Variants in ELP1 observed in about 807,000 individuals in gnomAD.
ELP1 encodes elongator acetyltransferase complex subunit 1.
In ELP1, 131 loss-of-function variants were observed where a neutral mutation model predicts 183.2. The observed-to-expected ratio is 0.72, with a 90% CI of 0.62 to 0.83. The LOEUF is 0.83. Among genes scored for constraint, ELP1 ranks in the 40% least tolerant of loss-of-function variants. ELP1 has a pLI of 0.00. For missense variants in ELP1, 1,550 were observed against 1,594.9 expected (o/e 0.97, Z 0.48); for synonymous variants, 555 against 569.0 (o/e 0.98, Z 0.35).
At chr9:108,929,745 C>A in intron 3 of ELP1, 24 bp downstream of exon 3, 1 of 1,612,212 alleles carries the variant, frequency 6.2e-7, no homozygotes, top group Non-Finnish European at 8.5e-7. Context: ...TGAGACTCCC[C>A]CCTCACTGGA....
intron 29 of ELP1, among the ~76,000 whole-genome samples, chr9:108,886,530 T>C (rs1366090500): frequency 6.6e-6 from 1 of 151,988 alleles, no homozygotes; most frequent in Non-Finnish European, 1.5e-5. Context: ...CAGTAGAAAA[T>C]CAATCACCTA....
chr9:108,921,072 A>C (rs754374862), intron 6 of ELP1, among the ~76,000 whole-genome samples: 1 of 152,212 alleles, frequency 6.6e-6, no homozygotes, highest in Admixed American at 6.5e-5. Context: ...ACATATTATT[A>C]AGGTTCACCC....
At chr9:108,888,134 G>A (rs1271746899) in intron 29 of ELP1, among the ~76,000 whole-genome samples, 4 of 152,204 alleles carry the variant, frequency 2.6e-5, no homozygotes, top group Non-Finnish European at 5.9e-5. Flanking sequence ...TGCACTATGT[G>A]AGTGAAAGGA....
rs1003202144 is a variant in ELP1, at chr9:108,889,737, T to G, written c.3161-344A>C. 1.4e-5 allele frequency: 5 copies of G among 370,146 alleles called. No homozygotes were observed. In the Admixed American group the frequency reaches 1.5e-4, roughly 11 times the overall value. The allele number at this position is 370,146 out of a possible 1,614,324, so 22.9% of individuals were successfully genotyped here. A position where few individuals can be genotyped will look rare whatever the true frequency, so the allele number is the denominator to read the frequency against. On this transcript the variant is annotated intron_variant, in intron 28 of 36. Coordinates refer to ENST00000374647, the MANE Select transcript of ELP1 (RefSeq NM_003640.5). ...TAGATGGAGGTAGCTGACTTATGTT[T>G]GAGTCATGCAGTGTCTTTAGATCCT...
intron 5 of ELP1, among the ~76,000 whole-genome samples, chr9:108,924,757 G>A (rs1017030710): frequency 6.9e-6 from 1 of 144,094 alleles, no homozygotes; most frequent in Non-Finnish European, 1.5e-5. Context: ...AATCACATAT[G>A]GTCCTTCAAC....
At chr9:108,881,622 A>C (rs1827932204) in intron 31 of ELP1, 83 bp downstream of exon 31, 1 of 844,422 alleles carries the variant, frequency 1.2e-6, no homozygotes, top group Non-Finnish European at 2.0e-6. Context: ...TTAAGAAAAC[A>C]CAGTAAATAG....
intron 9 of ELP1, among the ~76,000 whole-genome samples, chr9:108,916,745 A>G (rs1423192584): frequency 6.6e-6 from 1 of 152,234 alleles, no homozygotes; most frequent in Non-Finnish European, 1.5e-5. Flanking sequence ...TGTATAGGCC[A>G]AAGAGTTGCG....
chr9:108,908,748 G>A (rs1285304164), intron 12 of ELP1, among the ~76,000 whole-genome samples: 2 of 152,186 alleles, frequency 1.3e-5, no homozygotes, highest in African/African-American at 4.8e-5. Context: ...TCTTCATCCA[G>A]TTTATTCACT....
At position 108,896,519 on chromosome 9, in the gene ELP1, T is replaced by A; in HGVS notation, c.2713A>T (p.Met905Leu). ...ACCTTCTGTGACTTCTCAGCTACCA[T>A]GAGGACCAAATCAAAGTCATAGGTG... ...LGTYDFDLVL[M>L]VAEKSQKDPK... The change falls in exon 25 of 37, where the codon ATG becomes TTG. Residue 905 changes from methionine (M) to leucine (L), a missense_variant. By Grantham distance (15) the Met-to-Leu change is conservative (BLOSUM62 2). Transcript: ENST00000374647. The A allele has an allele frequency of 1.2e-6, 2 of 1,614,124 alleles. No individual in the cohort carries two copies. The highest frequency in any genetic ancestry group is 1.7e-6 in the Non-Finnish European group (2 of 1,179,982).
intron 34 of ELP1, 49 bp from the exon 35 acceptor site, chr9:108,878,198 T>A: frequency 5.9e-6 from 9 of 1,527,222 alleles, no homozygotes; most frequent in Non-Finnish European, 8.2e-6. Context: ...CCCAGCTCCA[T>A]TGACAGAATC....
intron 3 of ELP1, among the ~76,000 whole-genome samples, chr9:108,928,815 T>C (rs768757223): frequency 2.6e-5 from 4 of 152,304 alleles, no homozygotes; most frequent in Admixed American, 1.3e-4. Flanking sequence ...TATGACAAGT[T>C]TGATATTTCC....
chr9:108,872,827 A>AC lies in ELP1; in HGVS notation c.3931+2067_3931+2068insG, dbSNP rs1564207269. ...CTGAAAAAAAAAAAAAAAAAAAAAA[A>AC]AAAAAAAAAAAACTAGTTACAAAAA... On this transcript the variant is annotated intron_variant, in intron 36 of 36. Coordinates refer to ENST00000374647, the MANE Select transcript of ELP1 (RefSeq NM_003640.5). Among the ~76,000 whole-genome samples, 91 of 108,058 alleles carry AC rather than the reference A, an allele frequency of 8.4e-4. 2 individuals are homozygous for AC. Among genetic ancestry groups the AC allele is most frequent in the East Asian group, 2.2e-3 (7 of 3,146 alleles). 70.9% of individuals were successfully genotyped at this position (108,058 alleles called of 152,430 possible).
At chr9:108,914,050 C>A (rs1341813068) in intron 10 of ELP1, among the ~76,000 whole-genome samples, 3 of 152,022 alleles carry the variant, frequency 2.0e-5, no homozygotes, top group African/African-American at 7.2e-5. Context: ...AAGGTGTGGC[C>A]AGGGTTAAGA....
At position 108,879,434 on chromosome 9, in the gene ELP1, T is replaced by A. The variant is rs1055164302; in HGVS notation, c.3572+12A>T. On this transcript the variant is annotated intron_variant, in intron 33 of 36. Transcript: ENST00000374647. ...GGATATAGTCAATGTGCTGAATCAA[T>A]GTGATACGTACGCTGATATCCTGGA... is the stretch of plus-strand genomic sequence containing the variant. The A allele has an allele frequency of 1.8e-5, 28 of 1,576,818 alleles. No homozygotes were observed. In the East Asian group the frequency reaches 6.3e-4, roughly 35 times the overall value.
Position 108,918,839 on chromosome 9 carries a change from C to CCACAG in ELP1, c.707_711dup (p.Ala238LeufsTer17), listed in dbSNP as rs1390547777. On this transcript the variant is annotated frameshift_variant, in exon 8 of 37. Transcript: ENST00000374647. LOFTEE classifies it high-confidence loss of function. ...CAAGCCAGGGCTGGTCCCAGTCCTG[C>CCACAG]CACAGGCTCACTGGTTGACTGCAAA... 6.2e-7 allele frequency: 1 copy of CCACAG among 1,613,986 alleles called. No homozygotes were observed. The highest frequency in any genetic ancestry group is 8.5e-7 in the Non-Finnish European group (1 of 1,179,982).
chr9:108,875,670 G>T (rs1043195739), intron 35 of ELP1: 1 of 391,248 alleles, frequency 2.6e-6, no homozygotes, highest in Non-Finnish European at 5.0e-6. Flanking sequence ...CAAGGCAGGA[G>T]GATCACTTGA....
chr9:108,922,901 T>C lies in ELP1; in HGVS notation c.493A>G (p.Arg165Gly). The C allele has an allele frequency of 6.2e-7, 1 of 1,613,972 alleles. No individual in the cohort carries two copies. The highest frequency in any genetic ancestry group is 8.5e-7 in the Non-Finnish European group (1 of 1,179,822). The stretch of plus-strand genomic sequence containing the variant: ...GATCCATGGAACTGTGTCTCCTTCC[T>C]ACCCCATCCAACAGTGATAAACTTG... ...ESKFITVGWG[R>G]KETQFHGSEG... Residue 165 changes from arginine (R) to glycine (G), a missense_variant, in exon 6 of 37, where the codon AGG (arginine) becomes GGG (glycine). Arg to Gly is a moderately radical substitution (Grantham distance 125). Coordinates refer to ENST00000374647, the MANE Select transcript of ELP1 (RefSeq NM_003640.5).
intron 10 of ELP1, 43 bp downstream of exon 10, chr9:108,916,161 A>C: frequency 1.4e-6 from 2 of 1,445,802 alleles, no homozygotes; most frequent in East Asian, 4.5e-5. Context: ...ACTTTCAACT[A>C]CGTTTTATGG....
intron 8 of ELP1, 45 bp from the exon 9 acceptor site, chr9:108,917,715 C>T: frequency 1.9e-6 from 3 of 1,606,754 alleles, no homozygotes; most frequent in Non-Finnish European, 2.6e-6. Context: ...GCTCACCTAA[C>T]TAAAGAATAG....
Sources: gnomAD v4.1 joint callset for allele counts (sites outside exome capture counted in the v4.1 genomes callset) on GRCh38, gnomAD v4.1.1 for gene constraint, MANE v1.5 for transcripts, NCBI Gene and HGNC (gene_info 2026-07-23, HGNC 2026-07-21) for gene names.